PDK4: variants seen among roughly 807,000 people sequenced by gnomAD.
PDK4 encodes pyruvate dehydrogenase kinase 4.
PDK4 carries 43 observed loss-of-function variants against 51.7 expected under a neutral mutation model. That is an observed-to-expected ratio of 0.83 (90% CI 0.65 to 1.07). PDK4 has a LOEUF of 1.07. Among genes scored for constraint, PDK4 ranks in the 50% least tolerant of loss-of-function variants. PDK4 has a pLI of 0.00. For missense variants in PDK4, 498 were observed against 503.5 expected (o/e 0.99, Z 0.10); for synonymous variants, 170 against 176.6 (o/e 0.96, Z 0.30).
chr7:95,587,326 T>C (rs1210976251), intron 9 of PDK4, 92 bp downstream of exon 9: 9 of 837,104 alleles, frequency 1.1e-5, no homozygotes, highest in Non-Finnish European at 1.6e-5. Flanking sequence ...TTTTACTTAA[T>C]TGATGAACTT....
chr7:95,592,820 A>G lies in PDK4; in HGVS notation c.469T>C (p.Tyr157His). The change falls in exon 4 of 11, where the codon TAT becomes CAT. Residue 157 changes from tyrosine (Y) to histidine (H), a missense_variant. By Grantham distance (83) the Tyr-to-His change is moderately conservative (BLOSUM62 2). Coordinates refer to ENST00000005178, the MANE Select transcript of PDK4 (RefSeq NM_002612.4). ...VDPVTNQNLQ[Y>H]FLDRFYMNRI... The stretch of plus-strand genomic sequence containing the variant: ...TTCATGTAAAATCGATCCAAGAAAT[A>G]TTGAAGATTTTGATTGGTGACTGGG... 6.2e-7 allele frequency: 1 copy of G among 1,613,342 alleles called. No homozygotes were observed. Among genetic ancestry groups the G allele is most frequent in the Non-Finnish European group, 8.5e-7 (1 of 1,179,468 alleles).
At chr7:95,596,131 A>C (rs1791616697) in intron 1 of PDK4, 33 bp downstream of exon 1, 1 of 1,585,454 alleles carries the variant, frequency 6.3e-7, no homozygotes, top group African/African-American at 1.4e-5. Flanking sequence ...CCCCAACCCT[A>C]GGACCCAGCT....
At position 95,586,789 on chromosome 7, in the gene PDK4, T is replaced by C. The variant is rs1398912382; in HGVS notation, c.1095+221A>G. ...ATGTATTAACCTTCTTAGGAAACAA[T>C]TTTGCTTCACTTGAGGCAGGTAGTA... On this transcript the variant is annotated intron_variant, in intron 10 of 10. Transcript: ENST00000005178. The C allele has an allele frequency of 8.8e-5, 37 of 419,908 alleles. 1 individual carries two copies. The Admixed American group carries it at 1.4e-3, about 16-fold the overall frequency. The allele number at this position is 419,908 out of a possible 1,614,324, so 26.0% of individuals were successfully genotyped here. A position where few individuals can be genotyped will look rare whatever the true frequency, so the allele number is the denominator to read the frequency against.
chr7:95,594,617 G>C (rs1193690053), intron 2 of PDK4, among the ~76,000 whole-genome samples: 1 of 152,130 alleles, frequency 6.6e-6, no homozygotes, highest in African/African-American at 2.4e-5. Context: ...AGCCCACTCT[G>C]TCAATCACTT....
rs1256273658 is a variant in PDK4 at position 95,592,572 on chromosome 7, T to C, written c.555A>G (p.Thr185=). The C allele has an allele frequency of 3.7e-6, 6 of 1,609,040 alleles. No homozygotes were observed. The highest frequency in any genetic ancestry group is 5.1e-6 in the Non-Finnish European group (6 of 1,175,586). The change falls in exon 5 of 11, where the codon ACA becomes ACG. Residue 185 remains threonine, a synonymous_variant. Transcript: ENST00000005178. ...TGCTTCCAATGTGGCTTGGGTTTCC[T>C]GTCTGTGAGTCACTAAATATAAGAA... The part of the protein sequence containing the change: ...QHILIFSDSQ[T]GNPSHIGSID...
At chr7:95,588,969 G>T (rs1000714090) in intron 7 of PDK4, among the ~76,000 whole-genome samples, 4 of 152,160 alleles carry the variant, frequency 2.6e-5, no homozygotes, top group Admixed American at 6.5e-5. Flanking sequence ...TGCCCTGCAG[G>T]CGATTCTAAT....
intron 1 of PDK4, 137 bp downstream of exon 1, chr7:95,596,027 C>T: frequency 2.1e-6 from 2 of 934,228 alleles, no homozygotes; most frequent in Non-Finnish European, 1.6e-6. Flanking sequence ...GGTGTGCTGG[C>T]GTCGAGGCTC....
intron 6 of PDK4, among the ~76,000 whole-genome samples, chr7:95,590,395 A>C (rs1440463992): frequency 6.6e-6 from 1 of 152,208 alleles, no homozygotes; most frequent in African/African-American, 2.4e-5. Flanking sequence ...GAAACAGACA[A>C]ACAAAAACCT....
Position 95,593,746 on chromosome 7 carries a change from CA to C in PDK4, c.296del (p.Leu99TrpfsTer19). 1.3e-6 allele frequency: 2 copies of C among 1,561,434 alleles called. No individual in the cohort carries two copies. Among genetic ancestry groups the C allele is most frequent in the Non-Finnish European group, 1.8e-6 (2 of 1,132,338 alleles). Reference sequence around the variant, plus strand: ...CTGGGCTTTTCTCATGGAATTCCACCAAATCCATCAGGCTCTGTATATACCT... The same window carrying C: ...CTGGGCTTTTCTCATGGAATTCCACCAATCCATCAGGCTCTGTATATACCT... The part of the protein sequence containing the change: ...KSWYIQSLMD[L>X]VEFHEKSPDD... On this transcript the variant is annotated frameshift_variant, in exon 3 of 11. Transcript: ENST00000005178. LOFTEE classifies it high-confidence loss of function.
At chr7:95,593,937 A>G (rs1326023245) in intron 2 of PDK4, among the ~76,000 whole-genome samples, 167 bp from the exon 3 acceptor site, 1 of 152,234 alleles carries the variant, frequency 6.6e-6, no homozygotes, top group African/African-American at 2.4e-5. Flanking sequence ...TTAAAATGCT[A>G]TAACTTTTAA....
At position 95,596,326 on chromosome 7, in the gene PDK4, G is replaced by T. The variant is rs1393044320; in HGVS notation, c.-33C>A. ...CCCACCCGGCCTGGCGGGGACTGTG[G>T]CTGGCTTGAGGGGCGAAGGCTGCTC... On this transcript the variant is annotated 5_prime_UTR_variant, in exon 1 of 11. Transcript: ENST00000005178. 6.5e-7 allele frequency: 1 copy of T among 1,550,094 alleles called. No individual in the cohort carries two copies. Among genetic ancestry groups the T allele is most frequent in the Non-Finnish European group, 8.7e-7 (1 of 1,149,576 alleles).
chr7:95,595,152 GC>G lies in PDK4; in HGVS notation c.142del (p.Ala48HisfsTer16), dbSNP rs760602979. The G allele has an allele frequency of 4.3e-6, 7 of 1,611,000 alleles. No homozygotes were observed. The South Asian group carries it at 7.7e-5, about 18-fold the overall frequency. On this transcript the variant is annotated frameshift_variant, in exon 2 of 11. Transcript: ENST00000005178. LOFTEE classifies it high-confidence loss of function. ...AAATGCAAAAGAAGTTCTTTCACAT[GC>G]ATTTTCTGAACCTATAATAAATGAA... ...KQLLDFGSEN[A>X]CERTSFAFLR...
intron 3 of PDK4, 62 bp downstream of exon 3, chr7:95,593,637 C>T (rs1791578537): frequency 3.8e-6 from 3 of 797,680 alleles, no homozygotes; most frequent in Non-Finnish European, 6.7e-6. Flanking sequence ...CTAAAAATAT[C>T]TTAGGAATCT....
In PDK4 at chr7:95,585,512, T is replaced by G. The variant is rs1791469383; in HGVS notation, c.*129A>C. On this transcript the variant is annotated 3_prime_UTR_variant, in exon 11 of 11. Transcript: ENST00000005178. ...CAAGCTCCATTCCTCATTGGATCAG[T>G]GTTCTGATTAAGGAGTTTTCGTTGC... The G allele has an allele frequency of 1.1e-5, 8 of 726,108 alleles. No individual in the cohort carries two copies. In the East Asian group the frequency reaches 2.0e-4, roughly 19 times the overall value. 45.0% of individuals were successfully genotyped at this position (726,108 alleles called of 1,614,324 possible). A position where few individuals can be genotyped will look rare whatever the true frequency, so the allele number is the denominator to read the frequency against.
At chr7:95,589,535 A>G (rs1007548958) in intron 7 of PDK4, 105 bp downstream of exon 7, 1 of 622,598 alleles carries the variant, frequency 1.6e-6, no homozygotes, top group Non-Finnish European at 2.9e-6. Context: ...ATTCTTGGGA[A>G]AAGATATTGA....
At chr7:95,591,933 A>T in intron 6 of PDK4, 55 bp downstream of exon 6, 1 of 899,728 alleles carries the variant, frequency 1.1e-6, no homozygotes, top group Non-Finnish European at 1.7e-6. Flanking sequence ...AAGCAATAAT[A>T]TTAGGAGAAC....
At chr7:95,593,096 C>G in intron 3 of PDK4, 152 bp from the exon 4 acceptor site, 1 of 491,180 alleles carries the variant, frequency 2.0e-6, no homozygotes. Flanking sequence ...AGTAATCTCA[C>G]TACAGATTCT....
chr7:95,587,289 A>G lies in PDK4; in HGVS notation c.981+129T>C, dbSNP rs375160214. ...TTCACCATTTTTAGCTTGCTTTATC[A>G]TTCATTCTTATATCCTTCATGTCTA... On this transcript the variant is annotated intron_variant, in intron 9 of 10. Transcript: ENST00000005178. 111 of 727,608 alleles carry G rather than the reference A, an allele frequency of 1.5e-4. 1 individual carries two copies. In the Middle Eastern group the frequency reaches 3.1e-3, roughly 21 times the overall value. 45.1% of individuals were successfully genotyped at this position (727,608 alleles called of 1,614,324 possible). A position where few individuals can be genotyped will look rare whatever the true frequency, so the allele number is the denominator to read the frequency against.
Position 95,595,108 on chromosome 7 carries a change from C to T in PDK4, c.187G>A (p.Val63Met). 6.2e-7 allele frequency: 1 copy of T among 1,612,600 alleles called. No homozygotes were observed. The highest frequency in any genetic ancestry group is 2.2e-5 in the East Asian group (1 of 44,832). Reference protein sequence around the residue: ...SFAFLRQELPVRLANILKEID... With the variant: ...SFAFLRQELPMRLANILKEID... Reference sequence around the variant, plus strand: ...TCCTTCAGAATGTTGGCGAGTCTCACAGGCAATTCTTGTCGCAAAAATGCA... The same window carrying T: ...TCCTTCAGAATGTTGGCGAGTCTCATAGGCAATTCTTGTCGCAAAAATGCA... Residue 63 changes from valine (V) to methionine (M), a missense_variant, in exon 2 of 11, where the codon GTG (valine) becomes ATG (methionine). Physicochemically the swap from Val to Met is conservative, Grantham distance 21 (BLOSUM62 1). Transcript: ENST00000005178.
Sources: gnomAD v4.1 joint callset for allele counts (sites outside exome capture counted in the v4.1 genomes callset) on GRCh38, gnomAD v4.1.1 for gene constraint, MANE v1.5 for transcripts, NCBI Gene and HGNC (gene_info 2026-07-23, HGNC 2026-07-21) for gene names.